PCDH11X: variants seen among roughly 807,000 people sequenced by gnomAD.
PCDH11X encodes the protein protocadherin 11 X-linked, also known as protocadherin-11 X-linked.
In PCDH11X, 18 loss-of-function variants were observed where a neutral mutation model predicts 53.3. The ratio of observed to expected loss-of-function variants is 0.34; its 90% CI spans 0.23 to 0.50. The LOEUF is 0.50. PCDH11X is among the 20% of genes least tolerant of loss of function. PCDH11X has a pLI of 0.98. For missense variants in PCDH11X, 570 were observed against 1,032.4 expected, an observed-to-expected ratio of 0.55 and a Z score of 6.14; for synonymous variants, 279 against 393.3, an observed-to-expected ratio of 0.71 and a Z score of 3.44.
At chrX:92,319,211 C>T (rs1177079203) in intron 8 of PCDH11X, among the ~76,000 whole-genome samples, 5 of 111,473 alleles carry the variant, frequency 4.5e-5, no homozygotes. Flanking sequence ...AAGCAGGGAT[C>T]CTGATTATCT....
chrX:92,164,912 C>T, intron 6 of PCDH11X, among the ~76,000 whole-genome samples: 1 of 103,770 alleles, frequency 9.6e-6, no homozygotes, highest in Middle Eastern at 4.9e-3. Flanking sequence ...TTTTTGCCTG[C>T]CGCCATCCAT....
chrX:92,391,217 T>C (rs1295451999), intron 9 of PCDH11X, among the ~76,000 whole-genome samples: 4 of 105,803 alleles, frequency 3.8e-5, no homozygotes, highest in African/African-American at 1.0e-4. Context: ...GCTAGTTAAT[T>C]TGTTAAAAAG....
At chrX:92,188,019 G>A (rs2066128909) in intron 6 of PCDH11X, among the ~76,000 whole-genome samples, 1 of 111,354 alleles carries the variant, frequency 9.0e-6, no homozygotes, top group African/African-American at 3.3e-5. Context: ...ACATCTGATT[G>A]AGACAATTTC....
At chrX:92,274,493 A>G (rs887597219) in intron 8 of PCDH11X, among the ~76,000 whole-genome samples, 8 of 110,961 alleles carry the variant, frequency 7.2e-5, no homozygotes, top group African/African-American at 2.3e-4. Context: ...CAGACCCTGT[A>G]GGAAAGGACT....
chrX:92,495,750 T>C (rs1488555649), intron 10 of PCDH11X, among the ~76,000 whole-genome samples: 4 of 102,412 alleles, frequency 3.9e-5, no homozygotes, highest in Non-Finnish European at 5.7e-5. Flanking sequence ...AGGCACTTCT[T>C]ACATGGCAGC....
rs1386519207 is a variant in PCDH11X, at chrX:92,388,296, ATTTTAT to A, written c.3343+375_3343+380del. The stretch of plus-strand genomic sequence containing the variant: ...CTTATATATAAAAATTATTTTCTAG[ATTTTAT>A]TTTTATTTTTAGTAGAGATAAAAAC... On this transcript the variant is annotated intron_variant, in intron 9 of 10. Transcript: ENST00000682573. 5.4e-5 allele frequency among the ~76,000 whole-genome samples: 6 copies of A among 110,918 alleles called. No homozygotes were observed. In the East Asian group the frequency reaches 1.7e-3, roughly 31 times the overall value.
intron 5 of PCDH11X, among the ~76,000 whole-genome samples, chrX:91,852,008 C>CTTTTTTTTTTTTTTTTTTTTTTT (rs59675485): frequency 2.1e-5 from 2 of 94,475 alleles, no homozygotes; most frequent in Non-Finnish European, 2.1e-5. Context: ...ATTAGGAATT[C>CTTTTTTTTTTTTTTTTTTTTTTT]TTTTTTTTTT....
intron 8 of PCDH11X, among the ~76,000 whole-genome samples, chrX:92,270,223 G>C (rs6652633): frequency 0.2 from 21,337 of 107,237 alleles, 3,600 homozygotes; most frequent in East Asian, 0.76. Flanking sequence ...ATTCTCTTGC[G>C]TCAGGCTCCT....
chrX:91,801,179 C>CAAAA (rs72093084), intron 1 of PCDH11X, among the ~76,000 whole-genome samples: 4 of 31,940 alleles, frequency 1.3e-4, no homozygotes, highest in Admixed American at 3.7e-4. Flanking sequence ...GACCCTGCCT[C>CAAAA]AAAAAAAAAA....
At chrX:92,003,025 T>A (rs779058338) in intron 6 of PCDH11X, among the ~76,000 whole-genome samples, 137 of 97,999 alleles carry the variant, frequency 1.4e-3, no homozygotes, top group African/African-American at 4.8e-3. Flanking sequence ...TATGTATTAG[T>A]CTTTCATATA....
chrX:92,416,935 T>C (rs1035963835), intron 9 of PCDH11X, among the ~76,000 whole-genome samples: 11 of 111,588 alleles, frequency 9.9e-5, no homozygotes, highest in Non-Finnish European at 2.1e-4. Context: ...CATTTTTTTT[T>C]AGTTTAACAT....
At chrX:92,136,651 C>T (rs1353392015) in intron 6 of PCDH11X, among the ~76,000 whole-genome samples, 3 of 103,213 alleles carry the variant, frequency 2.9e-5, no homozygotes, top group African/African-American at 1.1e-4. Context: ...TGATGGGGCC[C>T]CATGAAGCCT....
intron 7 of PCDH11X, among the ~76,000 whole-genome samples, chrX:92,241,864 G>C (rs1320235836): frequency 9.0e-6 from 1 of 111,614 alleles, no homozygotes; most frequent in Non-Finnish European, 1.9e-5. Context: ...CTAAGATCTT[G>C]CAAAAGTATA....
At chrX:91,903,656 C>T (rs866026007) in intron 6 of PCDH11X, among the ~76,000 whole-genome samples, 4 of 93,935 alleles carry the variant, frequency 4.3e-5, no homozygotes, top group East Asian at 3.4e-4. Context: ...CCTCTATGTG[C>T]GTGTGTGTGT....
chrX:92,330,759 C>T (rs2069444943), intron 8 of PCDH11X, among the ~76,000 whole-genome samples: 1 of 109,755 alleles, frequency 9.1e-6, no homozygotes, highest in African/African-American at 3.3e-5. Flanking sequence ...ATACAGGCAG[C>T]AACATGGAGG....
intron 10 of PCDH11X, among the ~76,000 whole-genome samples, chrX:92,517,894 A>C (rs1249445327): frequency 9.1e-6 from 1 of 110,315 alleles, no homozygotes; most frequent in African/African-American, 3.3e-5. Flanking sequence ...TCATATATCA[A>C]GTCCATCAAA....
chrX:92,388,623 A>G (rs1263176591), intron 9 of PCDH11X, among the ~76,000 whole-genome samples: 2 of 110,329 alleles, frequency 1.8e-5, no homozygotes, highest in African/African-American at 6.6e-5. Flanking sequence ...GGAAATACAA[A>G]ATTTGATAAG....
chrX:92,505,150 T>G (rs1357347656), intron 10 of PCDH11X, among the ~76,000 whole-genome samples: 1 of 65,166 alleles, frequency 1.5e-5, no homozygotes, highest in Non-Finnish European at 3.0e-5. Flanking sequence ...TTTTTCTTTT[T>G]TCTTTTTTTT....
In PCDH11X at chrX:92,588,372, G is replaced by GTGTA. The variant is rs1556507881; in HGVS notation, c.3368-29891_3368-29890insGTAT. Among the ~76,000 whole-genome samples the GTGTA allele has an allele frequency of 1.0e-4, 10 of 97,780 alleles. No homozygotes were observed. In the South Asian group the frequency reaches 1.5e-3, roughly 14 times the overall value. The allele number at this position is 97,780 out of a possible 115,157, so 84.9% of individuals were successfully genotyped here. ...TTTTCATATACTTGTGTGTGTGTGT[G>GTGTA]TATATATATATATATATATGGATGT... On this transcript the variant is annotated intron_variant, in intron 10 of 10. Transcript: ENST00000682573.
Sources: allele counts gnomAD v4.1 joint callset (sites outside exome capture counted in the v4.1 genomes callset), GRCh38; gene constraint gnomAD v4.1.1; transcripts MANE v1.5; gene names NCBI Gene and HGNC (gene_info 2026-07-23, HGNC 2026-07-21).